The following SLC7A7 variants were observed in gnomAD, a reference collection of about 807,000 sequenced individuals.
SLC7A7 encodes Y+L amino acid transporter 1.
SLC7A7 carries 39 observed loss-of-function variants against 47.9 expected under a neutral mutation model. The ratio of observed to expected loss-of-function variants is 0.81; its 90% CI spans 0.63 to 1.06. SLC7A7 has a LOEUF of 1.06. SLC7A7 is among the 50% of genes least tolerant of loss of function. SLC7A7 has a pLI of 0.00. For synonymous variants in SLC7A7, 234 were observed against 242.8 expected (o/e 0.96, Z 0.34); for missense variants, 588 against 632.0 (o/e 0.93, Z 0.75).
chr14:22,777,552 T>A (rs1221246218), intron 4 of SLC7A7, among the ~76,000 whole-genome samples: 1 of 146,102 alleles, frequency 6.8e-6, no homozygotes, highest in Non-Finnish European at 1.5e-5. Flanking sequence ...TTTATAAGCA[T>A]CCTTAACAGT....
chr14:22,781,787 C>G (rs1008966018), intron 2 of SLC7A7, among the ~76,000 whole-genome samples: 1 of 152,156 alleles, frequency 6.6e-6, no homozygotes, highest in African/African-American at 2.4e-5. Context: ...GGCTCATAAC[C>G]ACAACATAGC....
intron 2 of SLC7A7, among the ~76,000 whole-genome samples, chr14:22,798,024 G>T (rs1276030839): frequency 1.3e-5 from 2 of 152,178 alleles, no homozygotes; most frequent in Non-Finnish European, 2.9e-5. Context: ...GGCTGGGCAC[G>T]GTGGCTCATG....
intron 2 of SLC7A7, among the ~76,000 whole-genome samples, chr14:22,802,043 A>C (rs2039124213): frequency 6.6e-6 from 1 of 152,220 alleles, no homozygotes; most frequent in Non-Finnish European, 1.5e-5. Context: ...TCCTCCTCAC[A>C]GTAAATGATA....
At chr14:22,795,709 G>A (rs1483111955) in intron 2 of SLC7A7, among the ~76,000 whole-genome samples, 2 of 151,658 alleles carry the variant, frequency 1.3e-5, no homozygotes, top group Non-Finnish European at 2.9e-5. Context: ...TCCTGACCTT[G>A]TGATCTGCCC....
At position 22,773,925 on chromosome 14, in the gene SLC7A7, C is replaced by T. The variant is rs201766738; in HGVS notation, c.1429+8G>A. On this transcript the variant is annotated splice_region_variant and intron_variant, in intron 9 of 9. Transcript: ENST00000674313. ...ATAGCTGAGCGGACTTAAGGATGCA[C>T]GGCTTACCCACGATCCTTCGGAGGT... 76 of 1,613,856 alleles carry T rather than the reference C, an allele frequency of 4.7e-5. No homozygotes were observed. The Admixed American group carries it at 7.8e-4, about 17-fold the overall frequency.
chr14:22,785,991 C>T (rs2038807995), intron 2 of SLC7A7, among the ~76,000 whole-genome samples: 2 of 142,184 alleles, frequency 1.4e-5, no homozygotes, highest in South Asian at 4.5e-4. Context: ...CACTGCACTC[C>T]AGCCTGGGCC....
intron 2 of SLC7A7, among the ~76,000 whole-genome samples, chr14:22,798,172 C>G (rs1468125239): frequency 6.6e-6 from 1 of 152,146 alleles, no homozygotes; most frequent in East Asian, 1.9e-4. Flanking sequence ...TGGTGGGCAC[C>G]TGTAATCCCA....
chr14:22,795,560 C>T (rs888893945), intron 2 of SLC7A7, among the ~76,000 whole-genome samples: 14 of 151,602 alleles, frequency 9.2e-5, no homozygotes, highest in African/African-American at 3.1e-4. Context: ...CTGCAAGCTC[C>T]GCCTCCCGGG....
rs377136076 is a variant in SLC7A7, at chr14:22,809,916, G to A, written c.499+2984C>T. Among the ~76,000 whole-genome samples, 286 of 152,056 alleles carry A rather than the reference G, an allele frequency of 1.9e-3. 5 individuals carry two copies. In the South Asian group the frequency reaches 0.033, roughly 18 times the overall value. On this transcript the variant is annotated intron_variant, in intron 2 of 9. Coordinates refer to ENST00000674313, the MANE Select transcript of SLC7A7 (RefSeq NM_003982.4). ...TAGCTTGGCGTGGTGGCGGGCGCCT[G>A]TAATCCCAGCTACTTGGGAGGCTGA...
At chr14:22,807,483 T>C (rs1034169621) in intron 2 of SLC7A7, among the ~76,000 whole-genome samples, 1 of 152,152 alleles carries the variant, frequency 6.6e-6, no homozygotes, top group Non-Finnish European at 1.5e-5. Flanking sequence ...GGAGGATTAC[T>C]TGAGGCCAGG....
intron 2 of SLC7A7, among the ~76,000 whole-genome samples, chr14:22,793,500 T>C (rs2038961904): frequency 6.6e-6 from 1 of 152,222 alleles, no homozygotes; most frequent in Non-Finnish European, 1.5e-5. Context: ...AGGACTAACA[T>C]TAGCCACAAG....
rs765770374 is a variant in SLC7A7 at position 22,773,567 on chromosome 14, G to C, written c.*43C>G. The C allele has an allele frequency of 1.6e-5, 25 of 1,543,576 alleles. No individual in the cohort carries two copies. The highest frequency in any genetic ancestry group is 2.1e-5 in the Non-Finnish European group (23 of 1,115,730). On this transcript the variant is annotated 3_prime_UTR_variant, in exon 10 of 10. Transcript: ENST00000674313. ...TCAACTTCCTTAGCTCTAGCCAGTA[G>C]ACCAGAAACCCCTGCTTTCCACATC...
chr14:22,809,661 G>A (rs1231601024), intron 2 of SLC7A7, among the ~76,000 whole-genome samples: 2 of 151,928 alleles, frequency 1.3e-5, no homozygotes, highest in African/African-American at 4.8e-5. Flanking sequence ...TTTTAGTAGA[G>A]AGGGGGTTTC....
chr14:22,785,761 C>A (rs1364275072), intron 2 of SLC7A7, among the ~76,000 whole-genome samples: 1 of 150,278 alleles, frequency 6.7e-6, no homozygotes, highest in South Asian at 2.1e-4. Context: ...CGGTGGCTCA[C>A]GCTGTAATCC....
intron 2 of SLC7A7, among the ~76,000 whole-genome samples, chr14:22,791,934 A>G (rs2038930563): frequency 6.7e-6 from 1 of 149,012 alleles, no homozygotes; most frequent in South Asian, 2.1e-4. Context: ...TCCTGGGTTC[A>G]CGCCATTCTC....
chr14:22,795,404 TTCTTTC>T (rs1388260689), intron 2 of SLC7A7, among the ~76,000 whole-genome samples: 5 of 96,378 alleles, frequency 5.2e-5, no homozygotes, highest in African/African-American at 2.7e-4. Flanking sequence ...CTTTCTTTCT[TTCTTTC>T]TTTCTTTCTT....
intron 2 of SLC7A7, among the ~76,000 whole-genome samples, chr14:22,804,494 A>G (rs1001130903): frequency 6.6e-6 from 1 of 152,182 alleles, no homozygotes; most frequent in Non-Finnish European, 1.5e-5. Flanking sequence ...CAGAGTCTAC[A>G]AGGAATTTAA....
At chr14:22,818,581 TGG>T (rs9323217), upstream of SLC7A7, among the ~76,000 whole-genome samples, 23,863 of 103,246 alleles carry the variant, frequency 0.23, 2,502 homozygotes, top group South Asian at 0.35. Flanking sequence ...CCCAGGTTTT[TGG>T]TTTTTTTTTT....
chr14:22,819,274 T>C (rs2039445739), upstream of SLC7A7, among the ~76,000 whole-genome samples: 3 of 152,074 alleles, frequency 2.0e-5, no homozygotes, highest in Non-Finnish European at 4.4e-5. Context: ...CTGCCTCCCC[T>C]AACAACAGAA....
Sources: allele counts gnomAD v4.1 joint callset (sites outside exome capture counted in the v4.1 genomes callset), GRCh38; gene constraint gnomAD v4.1.1; transcripts MANE v1.5; gene names NCBI Gene and HGNC (gene_info 2026-07-23, HGNC 2026-07-21).